Variants in DDIAS observed in about 807,000 individuals in gnomAD.
DDIAS encodes the protein DNA damage induced apoptosis suppressor.
A neutral mutation model predicts 15.7 loss-of-function variants in DDIAS; 14 were observed. The ratio of observed to expected loss-of-function variants is 0.89; its 90% CI spans 0.59 to 1.39. The LOEUF (loss-of-function observed/expected upper bound fraction) is 1.39, where lower values mean the gene tolerates loss of function less well. DDIAS is among the 40% of genes most tolerant of loss of function. The pLI, the probability that DDIAS is intolerant of heterozygous loss-of-function variation, is 0.00. For missense variants in DDIAS, 1,035 were observed against 1,130.9 expected (o/e 0.92, Z 1.22); for synonymous variants, 355 against 395.9 (o/e 0.90, Z 1.23).
At chr11:82,921,982 G>A (rs1028542927) in intron 3 of DDIAS, among the ~76,000 whole-genome samples, 2 of 152,194 alleles carry the variant, frequency 1.3e-5, no homozygotes, top group Non-Finnish European at 2.9e-5. Flanking sequence ...TAGTTTCACT[G>A]GGTACAAAAT....
At chr11:82,905,370 A>T (rs1860406563) in intron 1 of DDIAS, among the ~76,000 whole-genome samples, 1 of 152,120 alleles carries the variant, frequency 6.6e-6, no homozygotes, top group South Asian at 2.1e-4. Flanking sequence ...TATAGTATTT[A>T]TTGATTTTTT....
intron 5 of DDIAS, 109 bp downstream of exon 5, chr11:82,930,383 A>G: frequency 1.3e-6 from 1 of 780,778 alleles, no homozygotes; most frequent in South Asian, 1.7e-5. Flanking sequence ...GAAGGCCTGT[A>G]GAAACACTTT....
At chr11:82,921,233 C>G (rs761181881) in intron 3 of DDIAS, among the ~76,000 whole-genome samples, 5 of 152,174 alleles carry the variant, frequency 3.3e-5, no homozygotes, top group Non-Finnish European at 7.3e-5. Context: ...CCTTTTTCCA[C>G]TCCTTTACTT....
In DDIAS at chr11:82,934,467, C is replaced by A; in HGVS notation, c.*132C>A. On this transcript the variant is annotated 3_prime_UTR_variant, in exon 6 of 6. Transcript: ENST00000533655. Reference sequence around the variant, plus strand: ...ATTGAAAACAGGACTCTGCTGGGAGCTACTGTGCCTTTTAAAATATAAAGC... The same window carrying A: ...ATTGAAAACAGGACTCTGCTGGGAGATACTGTGCCTTTTAAAATATAAAGC... 2.3e-6 allele frequency: 2 copies of A among 861,582 alleles called. No homozygotes were observed. The highest frequency in any genetic ancestry group is 5.5e-5 in the East Asian group (2 of 36,562). The allele number at this position is 861,582 out of a possible 1,614,324, so 53.4% of individuals were successfully genotyped here. A position where few individuals can be genotyped will look rare whatever the true frequency, so the allele number is the denominator to read the frequency against.
In DDIAS at chr11:82,933,250, CTT is replaced by C. The variant is rs1279634784; in HGVS notation, c.1914_1915del (p.Cys639GlnfsTer2). ...GAAACTTACATATCCTTTAGAAACTCTTTGCAATAGTCCAAATAGAAGTACAA... is the reference window on the plus strand; with the variant it reads ...GAAACTTACATATCCTTTAGAAACTCTGCAATAGTCCAAATAGAAGTACAA... ...CRKLTYPLETLCNSPNRSTNT... is the reference protein window; with the variant it reads ...CRKLTYPLETXCNSPNRSTNT... On this transcript the variant is annotated frameshift_variant, in exon 6 of 6. Transcript: ENST00000533655. LOFTEE classifies it low-confidence loss of function (END_TRUNC). 1.9e-6 allele frequency: 3 copies of C among 1,612,378 alleles called. No individual in the cohort carries two copies. The highest frequency in any genetic ancestry group is 2.2e-5 in the South Asian group (2 of 90,476).
chr11:82,909,863 T>C (rs1235828792), intron 1 of DDIAS, among the ~76,000 whole-genome samples: 1 of 152,228 alleles, frequency 6.6e-6, no homozygotes, highest in African/African-American at 2.4e-5. Flanking sequence ...AGATTAGTGA[T>C]TTATTTAAAT....
rs1303248400 is a variant in DDIAS at position 82,932,723 on chromosome 11, C to T, written c.1385C>T (p.Ser462Phe). The T allele has an allele frequency of 6.2e-7, 1 of 1,614,090 alleles. No individual in the cohort carries two copies. Among genetic ancestry groups the T allele is most frequent in the Non-Finnish European group, 8.5e-7 (1 of 1,180,028 alleles). Reference protein sequence around the residue: ...DKFHADHSRLSVTPQRTTGAL... With the variant: ...DKFHADHSRLFVTPQRTTGAL... ...TTTCATGCAGACCACAGCAGGTTAT[C>T]TGTGACTCCCCAGAGAACTACTGGA... Residue 462 changes from serine to phenylalanine, a missense_variant, in exon 6 of 6, where the codon TCT becomes TTT. Physicochemically the swap from Ser to Phe is radical, Grantham distance 155 (BLOSUM62 -2). Coordinates refer to ENST00000533655, the MANE Select transcript of DDIAS (RefSeq NM_145018.4).
At chr11:82,915,695 C>T (rs2121331695) in intron 3 of DDIAS, among the ~76,000 whole-genome samples, 1 of 115,466 alleles carries the variant, frequency 8.7e-6, no homozygotes, top group Non-Finnish European at 1.8e-5. Context: ...TTGGCTAGGG[C>T]TTAGTTCATA....
rs1476984642 is a variant in DDIAS at position 82,933,207 on chromosome 11, C to G, written c.1869C>G (p.Asp623Glu). The G allele has an allele frequency of 3.1e-6, 5 of 1,612,264 alleles. No homozygotes were observed. The Admixed American group carries it at 8.4e-5, about 27-fold the overall frequency. ...QYCRWSKNQD[D>E]SFTICRKLTY... The stretch of plus-strand genomic sequence containing the variant: ...GTAGGTGGTCCAAGAACCAAGATGA[C>G]AGTTTTACAATTTGCAGGAAACTTA... The change falls in exon 6 of 6, where the codon GAC becomes GAG. Residue 623 changes from aspartate (D) to glutamate (E), a missense_variant. By Grantham distance (45) the Asp-to-Glu change is conservative. Coordinates refer to ENST00000533655, the MANE Select transcript of DDIAS (RefSeq NM_145018.4).
chr11:82,921,646 C>T (rs1339537234), intron 3 of DDIAS, among the ~76,000 whole-genome samples: 4 of 138,364 alleles, frequency 2.9e-5, no homozygotes, highest in Admixed American at 7.9e-5. Context: ...GGTGCAATCT[C>T]GTCTCACTGC....
intron 3 of DDIAS, among the ~76,000 whole-genome samples, chr11:82,919,998 C>G (rs1860713023): frequency 6.6e-6 from 1 of 152,222 alleles, no homozygotes; most frequent in South Asian, 2.1e-4. Flanking sequence ...GCTGGGATTA[C>G]AGGCGTGAGG....
Position 82,930,193 on chromosome 11 carries a change from GGACAAT to G in DDIAS, c.315_320del (p.Asn106_Asp107del). 2.5e-6 allele frequency: 4 copies of G among 1,600,180 alleles called. No individual in the cohort carries two copies. Among genetic ancestry groups the G allele is most frequent in the African/African-American group, 1.3e-5 (1 of 74,316 alleles). ...ATCCTAATAAAATTCCAGAAACACT[GGACAAT>G]GATACAACTCAGAATCTATTAACTA... is the stretch of plus-strand genomic sequence containing the variant. On this transcript the variant is annotated inframe_deletion, in exon 5 of 6. Transcript: ENST00000533655.
At chr11:82,925,008 A>G (rs769810869) in intron 3 of DDIAS, among the ~76,000 whole-genome samples, 1 of 152,224 alleles carries the variant, frequency 6.6e-6, no homozygotes, top group Non-Finnish European at 1.5e-5. Flanking sequence ...TCATGAGTGC[A>G]TAATGGAGTT....
At position 82,934,395 on chromosome 11, in the gene DDIAS, G is replaced by C; in HGVS notation, c.*60G>C. The stretch of plus-strand genomic sequence containing the variant: ...TCTGTTTGGAAATGTTTGCCTTCAG[G>C]GGTACGGAAAGCATTCTTTACATTT... On this transcript the variant is annotated 3_prime_UTR_variant, in exon 6 of 6. Transcript: ENST00000533655. The C allele has an allele frequency of 6.8e-7, 1 of 1,468,530 alleles. No homozygotes were observed. The highest frequency in any genetic ancestry group is 9.1e-7 in the Non-Finnish European group (1 of 1,093,930). The allele number at this position is 1,468,530 out of a possible 1,614,324, so 91.0% of individuals were successfully genotyped here. A position where few individuals can be genotyped will look rare whatever the true frequency, so the allele number is the denominator to read the frequency against.
Position 82,932,175 on chromosome 11 carries a change from T to C in DDIAS, c.837T>C (p.Ile279=), listed in dbSNP as rs1861004835. 1 of 1,614,052 alleles carries C rather than the reference T, an allele frequency of 6.2e-7. No homozygotes were observed. Among genetic ancestry groups the C allele is most frequent in the Non-Finnish European group, 8.5e-7 (1 of 1,180,034 alleles). ...TLQQNRKSIS[I]AEATGSSSCH... ...AGCAGAACAGAAAGTCCATCTCCAT[T>C]GCAGAGGCCACTGGTTCCAGTAGCT... Residue 279 remains isoleucine, a synonymous_variant, in exon 6 of 6, where the codon ATT becomes ATC. Transcript: ENST00000533655.
At chr11:82,929,510 T>C (rs1295350234) in intron 4 of DDIAS, among the ~76,000 whole-genome samples, 1 of 152,070 alleles carries the variant, frequency 6.6e-6, no homozygotes, top group Non-Finnish European at 1.5e-5. Flanking sequence ...GAGACCATCC[T>C]GGCTAACACG....
At chr11:82,913,095 T>C (rs1341261851) in intron 1 of DDIAS, among the ~76,000 whole-genome samples, 192 bp from the exon 2 acceptor site, 1 of 152,172 alleles carries the variant, frequency 6.6e-6, no homozygotes, top group Non-Finnish European at 1.5e-5. Flanking sequence ...TTGTGAGAAT[T>C]ACCAAAATGT....
intron 3 of DDIAS, among the ~76,000 whole-genome samples, chr11:82,925,972 C>T (rs1318311286): frequency 3.6e-5 from 5 of 140,596 alleles, no homozygotes; most frequent in Admixed American, 7.4e-5. Flanking sequence ...TGGCCAATAG[C>T]GAGACACTGT....
Position 82,910,703 on chromosome 11 carries a change from C to A in DDIAS, c.-116-2584C>A, listed in dbSNP as rs541221369. Among the ~76,000 whole-genome samples the A allele has an allele frequency of 1.7e-4, 25 of 146,900 alleles. No individual in the cohort carries two copies. The East Asian group carries it at 4.8e-3, about 28-fold the overall frequency. On this transcript the variant is annotated intron_variant, in intron 1 of 5. Coordinates refer to ENST00000533655, the MANE Select transcript of DDIAS (RefSeq NM_145018.4). ...TGAATACAGCTCACTTCAGTCTTTACCTCCTGGGCTCAGGTGATCCTCCCA... is the reference window on the plus strand; with the variant it reads ...TGAATACAGCTCACTTCAGTCTTTAACTCCTGGGCTCAGGTGATCCTCCCA...
Sources: allele counts gnomAD v4.1 joint callset (sites outside exome capture counted in the v4.1 genomes callset), GRCh38; gene constraint gnomAD v4.1.1; transcripts MANE v1.5; gene names NCBI Gene and HGNC (gene_info 2026-07-23, HGNC 2026-07-21).